Variants in ATP12A observed in about 807,000 individuals in gnomAD.
The protein encoded by ATP12A is potassium-transporting ATPase alpha chain 2.
A neutral mutation model predicts 111.2 loss-of-function variants in ATP12A; 81 were observed. The ratio of observed to expected loss-of-function variants is 0.73; its 90% CI spans 0.61 to 0.88. The LOEUF is 0.88. ATP12A is among the 40% of genes least tolerant of loss of function. The pLI is 0.00. For missense variants in ATP12A, 1,196 were observed against 1,313.1 expected, an observed-to-expected ratio of 0.91 and a Z score of 1.38; for synonymous variants, 498 against 499.8, an observed-to-expected ratio of 1.00 and a Z score of 0.05.
chr13:24,701,059 C>G, intron 13 of ATP12A, 137 bp downstream of exon 13: 1 of 1,058,248 alleles, frequency 9.4e-7, no homozygotes, highest in Non-Finnish European at 1.3e-6. Context: ...TCTAGTTTCA[C>G]TGTGCTAAGG....
At chr13:24,703,167 T>G (rs751792715) in intron 14 of ATP12A, among the ~76,000 whole-genome samples, 9 of 152,184 alleles carry the variant, frequency 5.9e-5, no homozygotes, top group Non-Finnish European at 1.2e-4. Flanking sequence ...CTTTGGGGCT[T>G]GTTTATTTGT....
At chr13:24,706,018 G>A (rs965974268) in intron 14 of ATP12A, among the ~76,000 whole-genome samples, 3 of 152,164 alleles carry the variant, frequency 2.0e-5, no homozygotes, top group Non-Finnish European at 4.4e-5. Flanking sequence ...GAAGTAAAGC[G>A]TTGCTCTAGG....
At position 24,706,387 on chromosome 13, in the gene ATP12A, C is replaced by T. The variant is rs770585820; in HGVS notation, c.2093C>T (p.Ala698Val). The change falls in exon 15 of 23, where the codon GCC becomes GTC. Residue 698 changes from alanine to valine, a missense_variant. Ala to Val is a moderately conservative substitution (Grantham distance 64). Transcript: ENST00000381946. ...TCAGAACAGCTGGATGAGATCTTAG[C>T]CAACTACCAGGAGATTGTCTTTGCC... is the stretch of plus-strand genomic sequence containing the variant. Reference protein sequence around the residue: ...MSSEQLDEILANYQEIVFART... With the variant: ...MSSEQLDEILVNYQEIVFART... 1.2e-6 allele frequency: 2 copies of T among 1,614,118 alleles called. No homozygotes were observed. The highest frequency in any genetic ancestry group is 1.3e-5 in the African/African-American group (1 of 74,942).
At chr13:24,693,341 C>T (rs924693091) in intron 10 of ATP12A, among the ~76,000 whole-genome samples, 5 of 151,430 alleles carry the variant, frequency 3.3e-5, no homozygotes, top group African/African-American at 1.2e-4. Context: ...CCCCCTCCCT[C>T]CCTCTCCTCC....
chr13:24,711,706 A>C lies in ATP12A; in HGVS notation c.*184A>C. 1 of 716,678 alleles carries C rather than the reference A, an allele frequency of 1.4e-6. No individual in the cohort carries two copies. The highest frequency in any genetic ancestry group is 2.3e-6 in the Non-Finnish European group (1 of 438,024). The allele number at this position is 716,678 out of a possible 1,614,324, so 44.4% of individuals were successfully genotyped here. A position where few individuals can be genotyped will look rare whatever the true frequency, so the allele number is the denominator to read the frequency against. On this transcript the variant is annotated 3_prime_UTR_variant, in exon 23 of 23. Transcript: ENST00000381946. ...TTTTGCACTTTAAAACTGAAATTCA[A>C]CTCTTTATATAGGATTTTCTTTTCT...
At chr13:24,696,002 T>C (rs1288284077) in intron 11 of ATP12A, among the ~76,000 whole-genome samples, 1 of 152,008 alleles carries the variant, frequency 6.6e-6, no homozygotes, top group Admixed American at 6.6e-5. Flanking sequence ...ACCAGAAACA[T>C]ATGATGTAAA....
chr13:24,680,527 C>A lies in ATP12A; in HGVS notation c.-217C>A. On this transcript the variant is annotated 5_prime_UTR_variant, in exon 1 of 23. Coordinates refer to ENST00000381946, the MANE Select transcript of ATP12A (RefSeq NM_001676.7). The stretch of plus-strand genomic sequence containing the variant: ...CGCCCTGGCGGGGACGTGGGCGGGG[C>A]GGGCGGCATTTAAGGCTGGTGCCAC... 1 of 499,588 alleles carries A rather than the reference C, an allele frequency of 2.0e-6. No homozygotes were observed. The highest frequency in any genetic ancestry group is 3.4e-6 in the Non-Finnish European group (1 of 294,350). 30.9% of individuals were successfully genotyped at this position (499,588 alleles called of 1,614,324 possible).
intron 2 of ATP12A, among the ~76,000 whole-genome samples, chr13:24,684,202 A>T (rs1874585812): frequency 6.6e-6 from 1 of 152,184 alleles, no homozygotes; most frequent in Non-Finnish European, 1.5e-5. Flanking sequence ...TGCAGAACAC[A>T]GCCTTAATCT....
In ATP12A at chr13:24,704,951, G is replaced by C. The variant is rs1344022191; in HGVS notation, c.2019-1362G>C. 2.6e-5 allele frequency among the ~76,000 whole-genome samples: 4 copies of C among 152,144 alleles called. No homozygotes were observed. The East Asian group carries it at 7.7e-4, about 29-fold the overall frequency. ...ATGACCATATAAAAATTGCATCTTA[G>C]CAGGTGTAAGGGGAAAGGAAACACC... On this transcript the variant is annotated intron_variant, in intron 14 of 22. Coordinates refer to ENST00000381946, the MANE Select transcript of ATP12A (RefSeq NM_001676.7).
intron 10 of ATP12A, 123 bp from the exon 11 acceptor site, chr13:24,694,321 A>T (rs1303340884): frequency 2.4e-6 from 3 of 1,271,126 alleles, no homozygotes; most frequent in Admixed American, 4.5e-5. Flanking sequence ...CTCCCTGATC[A>T]CGTGATAATG....
intron 2 of ATP12A, among the ~76,000 whole-genome samples, 183 bp downstream of exon 2, chr13:24,681,903 GGT>G (rs1474197100): frequency 1.3e-4 from 20 of 148,294 alleles, no homozygotes; most frequent in African/African-American, 4.7e-4. Flanking sequence ...GTGTATGTGT[GGT>G]GTGTGTGTAT....
rs200199718 is a variant in ATP12A, at chr13:24,688,403, G to A, written c.313G>A (p.Val105Ile). 105 of 1,614,150 alleles carry A rather than the reference G, an allele frequency of 6.5e-5. No homozygotes were observed. Among genetic ancestry groups the A allele is most frequent in the Non-Finnish European group, 6.3e-5 (74 of 1,180,032 alleles). The change falls in exon 4 of 23, where the codon GTC (valine) becomes ATC (isoleucine). Residue 105 changes from valine (V) to isoleucine (I), a missense_variant. By Grantham distance (29) the Val-to-Ile change is conservative. Around this residue, in one of 3 missense-constraint regions of ATP12A, gnomAD observed 1,126 missense variants for 1,228.5 expected, o/e 0.92. Transcript: ENST00000381946. ...CCCTCCCAAGCAGACGCCTGAGATCGTCAAGTTCCTCAAGCAGATGGTGGG... is the reference window on the plus strand; with the variant it reads ...CCCTCCCAAGCAGACGCCTGAGATCATCAAGTTCCTCAAGCAGATGGTGGG... Reference protein sequence around the residue: ...LTPPKQTPEIVKFLKQMVGGF... With the variant: ...LTPPKQTPEIIKFLKQMVGGF...
chr13:24,708,969 G>GA (rs1316979184), intron 17 of ATP12A, among the ~76,000 whole-genome samples: 1 of 146,350 alleles, frequency 6.8e-6, no homozygotes, highest in African/African-American at 2.5e-5. Flanking sequence ...AAGAAGGAAA[G>GA]AGAAAGAGAA....
intron 3 of ATP12A, among the ~76,000 whole-genome samples, chr13:24,686,693 C>A (rs908275571): frequency 6.6e-6 from 1 of 151,906 alleles, no homozygotes; most frequent in Non-Finnish European, 1.5e-5. Flanking sequence ...GAGCGGAGAT[C>A]GCGCCACTGC....
At position 24,691,092 on chromosome 13, in the gene ATP12A, G is replaced by A. The variant is rs1242433607; in HGVS notation, c.910G>A (p.Glu304Lys). The A allele has an allele frequency of 1.9e-6, 3 of 1,614,224 alleles. No homozygotes were observed. The highest frequency in any genetic ancestry group is 1.1e-5 in the South Asian group (1 of 91,074). Residue 304 changes from glutamate to lysine, a missense_variant, in exon 8 of 23, where the codon GAG becomes AAG. Glu to Lys is a moderately conservative substitution (Grantham distance 56, BLOSUM62 1). Coordinates refer to ENST00000381946, the MANE Select transcript of ATP12A (RefSeq NM_001676.7). ...NEKTPIAIEIEHFVHIVAGVA... is the reference protein window; with the variant it reads ...NEKTPIAIEIKHFVHIVAGVA... The stretch of plus-strand genomic sequence containing the variant: ...GAAGACGCCCATTGCCATTGAGATC[G>A]AGCACTTTGTTCACATTGTGGCAGG...
In ATP12A at chr13:24,697,649, A is replaced by G. The variant is rs1263758922; in HGVS notation, c.1513-1009A>G. 5.9e-5 allele frequency among the ~76,000 whole-genome samples: 9 copies of G among 151,656 alleles called. 1 individual carries two copies. Among genetic ancestry groups the G allele is most frequent in the African/African-American group, 2.2e-4 (9 of 41,256 alleles). ...AGTGGGACCCCGTCTCAAAAAAAAA[A>G]AAAAAAAAATTTAAGAGAGAAAGAG... On this transcript the variant is annotated intron_variant, in intron 11 of 22. Coordinates refer to ENST00000381946, the MANE Select transcript of ATP12A (RefSeq NM_001676.7).
In ATP12A at chr13:24,688,481, G is replaced by A. The variant is rs144586793; in HGVS notation, c.391G>A (p.Gly131Arg). 9.0e-5 allele frequency: 145 copies of A among 1,611,684 alleles called. No individual in the cohort carries two copies. The highest frequency in any genetic ancestry group is 1.2e-4 in the Non-Finnish European group (136 of 1,178,534). ...VGAFLCWIAY[G>R]IQYSSDKSAS... is the part of the protein sequence containing the mutation. ...CGCCTTTCTCTGTTGGATTGCATAT[G>A]GGATTCAGTACTCCAGCGACAAGTC... Residue 131 changes from glycine (G) to arginine (R), a missense_variant, in exon 4 of 23, where the codon GGG (glycine) becomes AGG (arginine). Gly to Arg is a moderately radical substitution (Grantham distance 125). Transcript: ENST00000381946.
chr13:24,695,315 A>G (rs934760027), intron 11 of ATP12A, among the ~76,000 whole-genome samples: 2 of 152,128 alleles, frequency 1.3e-5, no homozygotes, highest in Non-Finnish European at 2.9e-5. Flanking sequence ...TCTCCTTTCC[A>G]TCCCCTGCTC....
chr13:24,700,727 C>G lies in ATP12A; in HGVS notation c.1706-20C>G. On this transcript the variant is annotated intron_variant, in intron 12 of 22. Coordinates refer to ENST00000381946, the MANE Select transcript of ATP12A (RefSeq NM_001676.7). ...TTCCTATTCTAGTTTCACTGACTCA[C>G]TAATTCATCTGTATTACAGGTTTCT... The G allele has an allele frequency of 1.9e-6, 3 of 1,600,970 alleles. No individual in the cohort carries two copies. The highest frequency in any genetic ancestry group is 2.6e-6 in the Non-Finnish European group (3 of 1,170,442).
Sources: allele counts gnomAD v4.1 joint callset (sites outside exome capture counted in the v4.1 genomes callset), GRCh38; gene constraint gnomAD v4.1.1; regional missense constraint gnomAD v4.1.1; transcripts MANE v1.5; gene names NCBI Gene and HGNC (gene_info 2026-07-23, HGNC 2026-07-21).